Variants in UBE2L3 observed in about 807,000 individuals in gnomAD.
UBE2L3 encodes the protein ubiquitin conjugating enzyme E2 L3.
UBE2L3 carries 1 observed loss-of-function variant against 17.8 expected under a neutral mutation model. That is an observed-to-expected ratio of 0.06 (90% CI 0.02 to 0.27). The LOEUF (loss-of-function observed/expected upper bound fraction) is 0.27, where lower values mean the gene tolerates loss of function less well. Ranked by LOEUF, UBE2L3 falls within the 10% of genes least tolerant of loss-of-function variation. The pLI is 1.00. For missense variants in UBE2L3, 40 were observed against 192.6 expected (o/e 0.21, Z 4.69); for synonymous variants, 44 against 68.5 (o/e 0.64, Z 1.76).
At chr22:21,587,564 A>G (rs1928015751) in intron 1 of UBE2L3, among the ~76,000 whole-genome samples, 1 of 152,194 alleles carries the variant, frequency 6.6e-6, no homozygotes, top group Non-Finnish European at 1.5e-5. Flanking sequence ...ACAGTTTTCT[A>G]GGCCTCATTG....
At chr22:21,568,032 G>T (rs1926733942) in intron 1 of UBE2L3, 1 of 1,295,762 alleles carries the variant, frequency 7.7e-7, no homozygotes, top group African/African-American at 1.6e-5. Flanking sequence ...TCTCCGCCCG[G>T]AGCTTGGCCG....
chr22:21,567,599 C>T, upstream of UBE2L3: 5 of 1,500,812 alleles, frequency 3.3e-6, no homozygotes, highest in East Asian at 2.5e-5. Flanking sequence ...ACGCGCCCCC[C>T]AGCACAGTGG....
intron 1 of UBE2L3, among the ~76,000 whole-genome samples, chr22:21,559,184 T>C (rs1926342695): frequency 6.6e-6 from 1 of 152,064 alleles, no homozygotes; most frequent in Non-Finnish European, 1.5e-5. Flanking sequence ...CCATCTCTAC[T>C]AAAAAACACA....
chr22:21,556,654 G>T (rs1178621076), intron 1 of UBE2L3, among the ~76,000 whole-genome samples: 5 of 150,142 alleles, frequency 3.3e-5, no homozygotes, highest in Non-Finnish European at 5.9e-5. Flanking sequence ...TAGAGATAGG[G>T]TCTTACCATG....
At chr22:21,611,838 G>T (rs1228507460) in intron 3 of UBE2L3, among the ~76,000 whole-genome samples, 1 of 152,108 alleles carries the variant, frequency 6.6e-6, no homozygotes, top group African/African-American at 2.4e-5. Context: ...CCAGTATAAA[G>T]TCTGTTTAGA....
intron 1 of UBE2L3, among the ~76,000 whole-genome samples, chr22:21,587,316 G>A (rs143527942): frequency 2.0e-5 from 3 of 151,820 alleles, no homozygotes; most frequent in African/African-American, 4.8e-5. Context: ...TCAGCCTCCC[G>A]AGTAGCCGGG....
intron 1 of UBE2L3, among the ~76,000 whole-genome samples, chr22:21,572,698 A>G (rs1456546498): frequency 1.3e-5 from 2 of 152,114 alleles, no homozygotes; most frequent in African/African-American, 2.4e-5. Flanking sequence ...AGAGAGCCAC[A>G]GAGACGTTCC....
intron 1 of UBE2L3, among the ~76,000 whole-genome samples, chr22:21,592,478 T>A (rs955866033): frequency 2.0e-5 from 3 of 152,206 alleles, no homozygotes; most frequent in African/African-American, 7.2e-5. Context: ...TTGGAAGGTA[T>A]CAGGTGTAGA....
Position 21,622,103 on chromosome 22 carries a change from C to T in UBE2L3, c.*434C>T, listed in dbSNP as rs753843131. On this transcript the variant is annotated 3_prime_UTR_variant, in exon 4 of 4. Coordinates refer to ENST00000342192, the MANE Select transcript of UBE2L3 (RefSeq NM_003347.4). ...TTACTTCCCCAGACCCCGGGCTCGC[C>T]TCCACAAAGGAGAAGAGACTGCCCT... 6 of 177,980 alleles carry T rather than the reference C, an allele frequency of 3.4e-5. No individual in the cohort carries two copies. The highest frequency in any genetic ancestry group is 4.7e-5 in the Non-Finnish European group (4 of 85,524). 11.0% of individuals were successfully genotyped at this position (177,980 alleles called of 1,614,324 possible). A position where few individuals can be genotyped will look rare whatever the true frequency, so the allele number is the denominator to read the frequency against.
rs962717823 is a variant in UBE2L3 at position 21,622,585 on chromosome 22, T to C, written c.*916T>C. ...ATGTCCGTTTGAAACTCCTAGCTCA[T>C]CTGTCACCGAGCTTCATCCGAATGT... On this transcript the variant is annotated 3_prime_UTR_variant, in exon 4 of 4. Transcript: ENST00000342192. 6.5e-6 allele frequency: 1 copy of C among 153,072 alleles called. No individual in the cohort carries two copies. Among genetic ancestry groups the C allele is most frequent in the African/African-American group, 2.4e-5 (1 of 41,468 alleles). 9.5% of individuals were successfully genotyped at this position (153,072 alleles called of 1,614,324 possible).
chr22:21,554,574 AC>A (rs1265941137), intron 1 of UBE2L3, among the ~76,000 whole-genome samples: 2 of 106,986 alleles, frequency 1.9e-5, no homozygotes, highest in Non-Finnish European at 3.7e-5. Flanking sequence ...CCTGCCTGTC[AC>A]CCCCATCAAC....
chr22:21,605,409 G>T (rs529742174), intron 2 of UBE2L3, among the ~76,000 whole-genome samples: 11 of 152,182 alleles, frequency 7.2e-5, no homozygotes, highest in Non-Finnish European at 4.4e-5. Context: ...AGTAGAGACA[G>T]AGTTTCACCG....
At chr22:21,607,514 TAAAAAAAAAAA>T (rs758366095) in intron 2 of UBE2L3, among the ~76,000 whole-genome samples, 9 of 108,960 alleles carry the variant, frequency 8.3e-5, no homozygotes, top group Admixed American at 2.0e-4. Flanking sequence ...GACTCCGTCT[TAAAAAAAAAAA>T]AAAAAAAAAA....
intron 1 of UBE2L3, among the ~76,000 whole-genome samples, chr22:21,586,879 T>C (rs1269311499): frequency 7.0e-6 from 1 of 142,930 alleles, no homozygotes; most frequent in South Asian, 2.2e-4. Flanking sequence ...CCCGGCCTTT[T>C]TTTTTTTTTT....
chr22:21,595,743 A>G (rs1928482794), intron 2 of UBE2L3, among the ~76,000 whole-genome samples: 1 of 152,162 alleles, frequency 6.6e-6, no homozygotes, highest in Non-Finnish European at 1.5e-5. Context: ...CAAGAAATTC[A>G]GTTACATTTT....
chr22:21,613,517 A>G (rs1384384026), intron 3 of UBE2L3, among the ~76,000 whole-genome samples: 6 of 152,208 alleles, frequency 3.9e-5, no homozygotes, highest in Non-Finnish European at 1.5e-5. Context: ...ATTATTATGT[A>G]GATTGTTTGT....
At chr22:21,578,252 C>A (rs1009878871) in intron 1 of UBE2L3, among the ~76,000 whole-genome samples, 3 of 150,986 alleles carry the variant, frequency 2.0e-5, no homozygotes, top group Admixed American at 6.6e-5. Flanking sequence ...CCCAGCTACT[C>A]GGGAGGCTGA....
At chr22:21,595,072 G>A (rs1928444987) in intron 2 of UBE2L3, among the ~76,000 whole-genome samples, 2 of 152,198 alleles carry the variant, frequency 1.3e-5, no homozygotes, top group Admixed American at 1.3e-4. Context: ...CTATGGAGCA[G>A]TGGGCTAAGA....
chr22:21,607,095 G>C (rs754991700), intron 2 of UBE2L3, among the ~76,000 whole-genome samples: 13 of 152,192 alleles, frequency 8.5e-5, no homozygotes, highest in Non-Finnish European at 1.6e-4. Flanking sequence ...CTTGGATGTA[G>C]GAGAATGTGG....
Sources: gnomAD v4.1 joint callset for allele counts (sites outside exome capture counted in the v4.1 genomes callset) on GRCh38, gnomAD v4.1.1 for gene constraint, MANE v1.5 for transcripts, NCBI Gene and HGNC (gene_info 2026-07-23, HGNC 2026-07-21) for gene names.